GALNT13: variants seen among roughly 807,000 people sequenced by gnomAD.
The protein encoded by GALNT13 is UDP-GalNAc:polypeptide N-acetylgalactosaminyltransferase 13.
GALNT13 carries 28 observed loss-of-function variants against 64.2 expected under a neutral mutation model. The ratio of observed to expected loss-of-function variants is 0.44; its 90% CI spans 0.32 to 0.60. The LOEUF is 0.60. GALNT13 is among the 20% of genes least tolerant of loss of function. The pLI, the probability that GALNT13 is intolerant of heterozygous loss-of-function variation, is 0.05. For synonymous variants in GALNT13, 214 were observed against 224.6 expected (o/e 0.95, Z 0.42); for missense variants, 577 against 669.8 (o/e 0.86, Z 1.53).
At chr2:154,433,523 G>A (rs1319079279) in intron 11 of GALNT13, among the ~76,000 whole-genome samples, 1 of 152,016 alleles carries the variant, frequency 6.6e-6, no homozygotes. Flanking sequence ...TTGATTAGCA[G>A]ACTGGGTGAA....
At chr2:154,224,353 T>G (rs1044749009) in intron 4 of GALNT13, among the ~76,000 whole-genome samples, 2 of 151,978 alleles carry the variant, frequency 1.3e-5, no homozygotes, top group Admixed American at 1.3e-4. Flanking sequence ...GAAATCAAAC[T>G]CTAGTTAATA....
At chr2:153,841,797 CTTTA>C in the GALNT13 span, among the ~76,000 whole-genome samples, 4 of 152,108 alleles carry the variant, frequency 2.6e-5, no homozygotes, top group African/African-American at 9.7e-5. Flanking sequence ...TAAGGTCCTT[CTTTA>C]TTAAGTAGTC....
At chr2:153,947,898 T>C (rs933946430) in intron 3 of GALNT13, among the ~76,000 whole-genome samples, 1 of 152,126 alleles carries the variant, frequency 6.6e-6, no homozygotes, top group Non-Finnish European at 1.5e-5. Context: ...TTTCTGCATA[T>C]GCCTAGCCAG....
chr2:153,092,381 T>C, the GALNT13 span, among the ~76,000 whole-genome samples: 1 of 152,172 alleles, frequency 6.6e-6, no homozygotes, highest in Non-Finnish European at 1.5e-5. Context: ...GTGAAGAATA[T>C]CATTTGTATT....
chr2:154,095,801 C>T (rs1341017874), intron 3 of GALNT13, among the ~76,000 whole-genome samples: 3 of 151,828 alleles, frequency 2.0e-5, no homozygotes, highest in Non-Finnish European at 4.4e-5. Flanking sequence ...CTTGAATACA[C>T]TGGTTTTGAT....
chr2:154,372,969 A>G (rs1407670624), intron 9 of GALNT13, among the ~76,000 whole-genome samples: 1 of 152,132 alleles, frequency 6.6e-6, no homozygotes, highest in Non-Finnish European at 1.5e-5. Flanking sequence ...TACTCTGTCA[A>G]AAGAATTCTT....
chr2:153,873,890 C>A (rs1440655177), intron 1 of GALNT13, among the ~76,000 whole-genome samples: 2 of 151,748 alleles, frequency 1.3e-5, no homozygotes, highest in Non-Finnish European at 2.9e-5. Flanking sequence ...CTCTCTGTCT[C>A]GTTTGCGTTC....
intron 3 of GALNT13, among the ~76,000 whole-genome samples, chr2:154,048,108 G>A (rs536546668): frequency 6.6e-6 from 1 of 152,278 alleles, no homozygotes; most frequent in East Asian, 1.9e-4. Context: ...AGGCGAAGGG[G>A]GAGCAAACAC....
At chr2:154,200,529 TC>T (rs1445712904) in intron 4 of GALNT13, among the ~76,000 whole-genome samples, 1 of 152,160 alleles carries the variant, frequency 6.6e-6, no homozygotes, top group African/African-American at 2.4e-5. Flanking sequence ...AAGTTGAAGA[TC>T]AAGGTGCTGT....
At chr2:154,220,960 C>G (rs1198372228) in intron 4 of GALNT13, among the ~76,000 whole-genome samples, 1 of 151,942 alleles carries the variant, frequency 6.6e-6, no homozygotes, top group Non-Finnish European at 1.5e-5. Context: ...TATAGACAGA[C>G]CAAATTAAAT....
the GALNT13 span, among the ~76,000 whole-genome samples, chr2:153,489,732 G>A: frequency 1.3e-5 from 2 of 152,182 alleles, no homozygotes; most frequent in African/African-American, 4.8e-5. Context: ...AAGATCAGGT[G>A]TATACGAATG....
chr2:153,638,973 C>A, the GALNT13 span, among the ~76,000 whole-genome samples: 1 of 152,052 alleles, frequency 6.6e-6, no homozygotes, highest in African/African-American at 2.4e-5. Flanking sequence ...TGTCAACCAG[C>A]GAACACGTGG....
chr2:153,832,791 A>G, the GALNT13 span, among the ~76,000 whole-genome samples: 1 of 152,158 alleles, frequency 6.6e-6, no homozygotes, highest in Non-Finnish European at 1.5e-5. Context: ...AGTGTCAGTA[A>G]ATATTTTAGG....
chr2:154,162,465 G>A (rs1684788300), intron 4 of GALNT13, among the ~76,000 whole-genome samples: 1 of 152,146 alleles, frequency 6.6e-6, no homozygotes, highest in Non-Finnish European at 1.5e-5. Flanking sequence ...GATGCTGAAA[G>A]ACATGAGATG....
chr2:154,405,574 C>A lies in GALNT13; in HGVS notation c.1297-3410C>A, dbSNP rs531304196. Among the ~76,000 whole-genome samples, 3 of 137,712 alleles carry A rather than the reference C, an allele frequency of 2.2e-5. No homozygotes were observed. The East Asian group carries it at 6.6e-4, about 30-fold the overall frequency. 90.3% of individuals were successfully genotyped at this position (137,712 alleles called of 152,430 possible). ...CCAGCCTGACCAATATGATGTAACC[C>A]CATCTCTTCTAAAAAAAAAAAAAAA... On this transcript the variant is annotated intron_variant, in intron 10 of 12. Transcript: ENST00000392825.
At chr2:153,972,271 A>G (rs1693791308) in intron 3 of GALNT13, among the ~76,000 whole-genome samples, 1 of 152,068 alleles carries the variant, frequency 6.6e-6, no homozygotes, top group Non-Finnish European at 1.5e-5. Flanking sequence ...AATTTTTCAA[A>G]TGTTCCACAG....
the GALNT13 span, among the ~76,000 whole-genome samples, chr2:153,196,355 C>A: frequency 6.6e-6 from 1 of 151,934 alleles, no homozygotes; most frequent in Non-Finnish European, 1.5e-5. Context: ...CTAGAGGGGG[C>A]CAAGGTGGCA....
chr2:153,478,608 G>T, the GALNT13 span: 4 of 1,463,492 alleles, frequency 2.7e-6, no homozygotes, highest in Non-Finnish European at 2.7e-6. Context: ...GGTCCGAGGG[G>T]TGGGAAGGCG....
At chr2:154,121,048 G>GA (rs1302001193) in intron 3 of GALNT13, among the ~76,000 whole-genome samples, 2 of 152,172 alleles carry the variant, frequency 1.3e-5, no homozygotes, top group African/African-American at 4.8e-5. Context: ...TTCCTTTGTA[G>GA]AAACTGTGGG....
Sources: allele counts gnomAD v4.1 joint callset (sites outside exome capture counted in the v4.1 genomes callset), GRCh38; gene constraint gnomAD v4.1.1; transcripts MANE v1.5; gene names NCBI Gene and HGNC (gene_info 2026-07-23, HGNC 2026-07-21).